USH2A: variants seen among roughly 807,000 people sequenced by gnomAD.
USH2A encodes the protein Usher syndrome 2A (autosomal recessive, mild).
Under a neutral mutation model 538.9 loss-of-function variants are expected in USH2A, and 443 were observed. The ratio of observed to expected loss-of-function variants is 0.82; its 90% CI spans 0.76 to 0.89. The LOEUF (loss-of-function observed/expected upper bound fraction) is 0.89, where lower values mean the gene tolerates loss of function less well. USH2A is among the 40% of genes least tolerant of loss of function. The pLI, the probability that USH2A is intolerant of heterozygous loss-of-function variation, is 0.00. For missense variants in USH2A, 6,633 were observed against 6,324.8 expected (o/e 1.05, Z -1.65); for synonymous variants, 2,413 against 2,273.5 (o/e 1.06, Z -1.75).
At chr1:216,116,703 G>A (rs2033016919) in intron 21 of USH2A, among the ~76,000 whole-genome samples, 1 of 152,072 alleles carries the variant, frequency 6.6e-6, no homozygotes, top group African/African-American at 2.4e-5. Flanking sequence ...CTCCACTCCT[G>A]ATTCTGACCC....
chr1:215,800,357 A>T (rs1453510910), intron 49 of USH2A, among the ~76,000 whole-genome samples: 1 of 152,180 alleles, frequency 6.6e-6, no homozygotes, highest in African/African-American at 2.4e-5. Context: ...TTTCTTGAAC[A>T]TATCTTTTCC....
intron 3 of USH2A, among the ~76,000 whole-genome samples, chr1:216,404,334 G>T (rs1319729736): frequency 6.6e-6 from 1 of 151,964 alleles, no homozygotes. Flanking sequence ...GCCCTAAAAG[G>T]TTTATTATTT....
intron 14 of USH2A, among the ~76,000 whole-genome samples, chr1:216,225,730 G>A (rs538379459): frequency 5.9e-5 from 9 of 152,128 alleles, no homozygotes; most frequent in Non-Finnish European, 1.0e-4. Flanking sequence ...ATTATTTGAA[G>A]TTTTACGTCT....
chr1:216,244,087 C>T (rs1462226227), intron 13 of USH2A, among the ~76,000 whole-genome samples: 1 of 152,102 alleles, frequency 6.6e-6, no homozygotes, highest in Non-Finnish European at 1.5e-5. Flanking sequence ...CTTTGTTGTT[C>T]ACTGAGTGAT....
At chr1:216,036,099 T>C (rs1269500698) in intron 32 of USH2A, among the ~76,000 whole-genome samples, 3 of 152,034 alleles carry the variant, frequency 2.0e-5, no homozygotes, top group East Asian at 3.9e-4. Context: ...GTGCTAGAGG[T>C]CATCTATGGT....
In USH2A at chr1:216,235,782, G is replaced by A. The variant is rs765786005; in HGVS notation, c.2810-3646C>T. 3.9e-5 allele frequency among the ~76,000 whole-genome samples: 6 copies of A among 152,182 alleles called. No individual in the cohort carries two copies. In the South Asian group the frequency reaches 1.2e-3, roughly 31 times the overall value. On this transcript the variant is annotated intron_variant, in intron 13 of 71. Coordinates refer to ENST00000307340, the MANE Select transcript of USH2A (RefSeq NM_206933.4). ...TAACCTCTAGGCTTTATTCAAGAAAGGAGGGCAATGCTGGGGCTAAGCACT... is the reference window on the plus strand; with the variant it reads ...TAACCTCTAGGCTTTATTCAAGAAAAGAGGGCAATGCTGGGGCTAAGCACT...
intron 47 of USH2A, 114 bp downstream of exon 47, chr1:215,837,877 T>C (rs1663575570): frequency 8.1e-6 from 7 of 863,756 alleles, no homozygotes; most frequent in African/African-American, 1.7e-5. Context: ...TTTACACACA[T>C]ACTTATAATA....
intron 9 of USH2A, among the ~76,000 whole-genome samples, chr1:216,294,433 G>A (rs1571671445): frequency 6.6e-6 from 1 of 151,346 alleles, no homozygotes; most frequent in Admixed American, 6.6e-5. Flanking sequence ...TTACTACATA[G>A]TTTTGTATAA....
chr1:216,094,346 T>C (rs1293690512), intron 22 of USH2A, among the ~76,000 whole-genome samples: 1 of 152,166 alleles, frequency 6.6e-6, no homozygotes, highest in Non-Finnish European at 1.5e-5. Context: ...AAAACGTCAG[T>C]ATAATCTATT....
At chr1:216,044,912 T>C (rs2030447193) in intron 32 of USH2A, among the ~76,000 whole-genome samples, 1 of 152,152 alleles carries the variant, frequency 6.6e-6, no homozygotes, top group African/African-American at 2.4e-5. Context: ...AAGTAATTGT[T>C]CTTGTCCTTT....
At chr1:215,804,405 C>T (rs1348809356) in intron 49 of USH2A, among the ~76,000 whole-genome samples, 2 of 152,008 alleles carry the variant, frequency 1.3e-5, no homozygotes, top group Admixed American at 6.6e-5. Context: ...GGCTAATATC[C>T]AGAATCTACA....
chr1:216,141,231 C>A (rs993050321), intron 21 of USH2A, among the ~76,000 whole-genome samples: 1 of 152,200 alleles, frequency 6.6e-6, no homozygotes, highest in African/African-American at 2.4e-5. Flanking sequence ...ACACGTTAAT[C>A]TCCGAAGAAA....
Position 215,754,204 on chromosome 1 carries a change from T to C in USH2A, c.11389+4391A>G, listed in dbSNP as rs1012690795. 3.3e-5 allele frequency among the ~76,000 whole-genome samples: 5 copies of C among 152,284 alleles called. No individual in the cohort carries two copies. In the South Asian group the frequency reaches 8.3e-4, roughly 25 times the overall value. ...AGAAGGAGCTTATCAGTGTTTGGCATATAGTAGGAATTTAACAAATGGCAA... is the reference window on the plus strand; with the variant it reads ...AGAAGGAGCTTATCAGTGTTTGGCACATAGTAGGAATTTAACAAATGGCAA... On this transcript the variant is annotated intron_variant, in intron 58 of 71. Transcript: ENST00000307340.
chr1:216,183,532 C>T (rs1187519614), intron 20 of USH2A, among the ~76,000 whole-genome samples: 1 of 151,954 alleles, frequency 6.6e-6, no homozygotes, highest in Non-Finnish European at 1.5e-5. Flanking sequence ...ATTTAAGATG[C>T]GGCATATTGA....
rs764890045 is a variant in USH2A at position 216,289,251 on chromosome 1, C to T, written c.1971+29G>A. On this transcript the variant is annotated intron_variant, in intron 11 of 71. Transcript: ENST00000307340. ...TAAGTTTCTGGCAGACAGAGTAATC[C>T]TTTACCTTAAATACTCAGAAAAACT... is the stretch of plus-strand genomic sequence containing the variant. 6 of 1,613,374 alleles carry T rather than the reference C, an allele frequency of 3.7e-6. No individual in the cohort carries two copies. The African/African-American group carries it at 8.0e-5, about 22-fold the overall frequency.
At position 215,624,341 on chromosome 1, in the gene USH2A, CTT is replaced by C. The variant is rs1655919521; in HGVS notation, c.*1438_*1439del. 6.6e-6 allele frequency: 1 copy of C among 152,130 alleles called. No individual in the cohort carries two copies. Among genetic ancestry groups the C allele is most frequent in the African/African-American group, 2.4e-5 (1 of 41,438 alleles). 9.4% of individuals were successfully genotyped at this position (152,130 alleles called of 1,614,324 possible). On this transcript the variant is annotated 3_prime_UTR_variant, in exon 72 of 72. Transcript: ENST00000307340. ...TCTCAATACCCAAAAAGTCCACAAT[CTT>C]TTACTGTTGGGCCCTGGGGTAATAC...
At chr1:216,174,819 G>A (rs2034342704) in intron 21 of USH2A, 9 of 1,015,270 alleles carry the variant, frequency 8.9e-6, no homozygotes, top group Non-Finnish European at 1.1e-5. Context: ...GGCATGATTA[G>A]CTAAGCAAAG....
chr1:216,209,833 T>C (rs2035200201), intron 15 of USH2A, among the ~76,000 whole-genome samples: 1 of 152,224 alleles, frequency 6.6e-6, no homozygotes, highest in Admixed American at 6.5e-5. Flanking sequence ...TGTTACAATA[T>C]TGGGGAGATT....
At chr1:216,190,674 G>C (rs1487993545) in intron 19 of USH2A, among the ~76,000 whole-genome samples, 1 of 151,982 alleles carries the variant, frequency 6.6e-6, no homozygotes, top group Non-Finnish European at 1.5e-5. Flanking sequence ...TAGAGATAAA[G>C]ACGGTGACAT....
Sources: allele counts gnomAD v4.1 joint callset (sites outside exome capture counted in the v4.1 genomes callset), GRCh38; gene constraint gnomAD v4.1.1; transcripts MANE v1.5; gene names NCBI Gene and HGNC (gene_info 2026-07-23, HGNC 2026-07-21).